ROBO2: variants seen among roughly 807,000 people sequenced by gnomAD.
ROBO2 encodes the protein roundabout guidance receptor 2, also known as roundabout homolog 2.
Under a neutral mutation model 160.8 loss-of-function variants are expected in ROBO2, and 53 were observed. That is an observed-to-expected ratio of 0.33 (90% CI 0.26 to 0.41). ROBO2 has a LOEUF of 0.41. Ranked by LOEUF, ROBO2 falls within the 10% of genes least tolerant of loss-of-function variation. The pLI is 1.00. For synonymous variants in ROBO2, 664 were observed against 611.7 expected, an observed-to-expected ratio of 1.09 and a Z score of -1.26; for missense variants, 1,577 against 1,722.4, an observed-to-expected ratio of 0.92 and a Z score of 1.49.
intron 2 of ROBO2, among the ~76,000 whole-genome samples, chr3:77,385,693 T>A (rs2074025951): frequency 6.6e-6 from 1 of 152,132 alleles, no homozygotes; most frequent in Admixed American, 6.5e-5. Flanking sequence ...TTGGGATGAA[T>A]TCCTCAAGTG....
intron 2 of ROBO2, among the ~76,000 whole-genome samples, chr3:76,044,983 G>A (rs1381355495): frequency 6.6e-6 from 1 of 152,002 alleles, no homozygotes; most frequent in Non-Finnish European, 1.5e-5. Context: ...CAAGTTGCAG[G>A]TGAAACGGAT....
At chr3:77,018,220 A>G (rs932443727) in intron 2 of ROBO2, among the ~76,000 whole-genome samples, 3 of 152,126 alleles carry the variant, frequency 2.0e-5, no homozygotes, top group Admixed American at 1.3e-4. Context: ...CTCCTGCCTC[A>G]GCCTCCCAAG....
intron 2 of ROBO2, among the ~76,000 whole-genome samples, chr3:76,130,042 TATC>T (rs1006226562): frequency 6.6e-6 from 1 of 152,104 alleles, no homozygotes; most frequent in Non-Finnish European, 1.5e-5. Flanking sequence ...GACAGTGAAT[TATC>T]ATCTTCACCC....
At chr3:75,996,166 CAG>C (rs1283231417) in intron 2 of ROBO2, among the ~76,000 whole-genome samples, 1 of 152,100 alleles carries the variant, frequency 6.6e-6, no homozygotes, top group Non-Finnish European at 1.5e-5. Flanking sequence ...TTGGAGAAGA[CAG>C]GGGCAGAATG....
chr3:76,353,048 A>G (rs1458681858), intron 2 of ROBO2, among the ~76,000 whole-genome samples: 11 of 152,024 alleles, frequency 7.2e-5, no homozygotes, highest in Admixed American at 7.2e-4. Context: ...CACCGTCAGC[A>G]TAGTGATGAT....
rs768865674 is a variant in ROBO2, at chr3:76,554,910, G to A, written c.110-543104G>A. The stretch of plus-strand genomic sequence containing the variant: ...ACTGAAAAAGGCATGTGTCTGGCAC[G>A]TTCCCAAGGCATGAGTATTTATGGC... On this transcript the variant is annotated intron_variant, in intron 2 of 26. Coordinates refer to the ROBO2 transcript ENST00000487694. 1.9e-4 allele frequency among the ~76,000 whole-genome samples: 29 copies of A among 151,918 alleles called. No individual in the cohort carries two copies. The South Asian group carries it at 2.1e-3, about 11-fold the overall frequency.
chr3:76,172,974 A>G (rs760210605), intron 2 of ROBO2, among the ~76,000 whole-genome samples: 25 of 152,080 alleles, frequency 1.6e-4, no homozygotes, highest in Non-Finnish European at 1.8e-4. Flanking sequence ...ACTGGACCTC[A>G]GTAAAAAAAG....
intron 2 of ROBO2, among the ~76,000 whole-genome samples, chr3:76,120,912 G>T (rs542957556): frequency 6.6e-6 from 1 of 151,980 alleles, no homozygotes; most frequent in African/African-American, 2.4e-5. Flanking sequence ...ACTTACTGTC[G>T]AATATTATGT....
intron 2 of ROBO2, among the ~76,000 whole-genome samples, chr3:76,529,850 G>A (rs959500865): frequency 1.3e-5 from 2 of 152,074 alleles, no homozygotes; most frequent in African/African-American, 4.8e-5. Context: ...TAGTACCATG[G>A]TGGTAAGATA....
intron 2 of ROBO2, among the ~76,000 whole-genome samples, chr3:77,445,798 T>G (rs1022415498): frequency 1.4e-5 from 2 of 144,884 alleles, no homozygotes; most frequent in African/African-American, 2.5e-5. Context: ...TTTTTTGTTT[T>G]TTTTTTTTTT....
intron 2 of ROBO2, among the ~76,000 whole-genome samples, chr3:76,364,239 T>C (rs541837177): frequency 2.8e-4 from 42 of 152,206 alleles, no homozygotes; most frequent in Non-Finnish European, 4.7e-4. Flanking sequence ...ACTCCAGGAA[T>C]ACCTTCCCTG....
intron 2 of ROBO2, among the ~76,000 whole-genome samples, chr3:77,349,328 G>A (rs1341479342): frequency 2.0e-5 from 3 of 152,104 alleles, no homozygotes; most frequent in African/African-American, 4.8e-5. Flanking sequence ...AAGTATCAAA[G>A]ATTAAACCAA....
At chr3:77,319,489 A>C (rs2064435244) in intron 2 of ROBO2, among the ~76,000 whole-genome samples, 1 of 152,184 alleles carries the variant, frequency 6.6e-6, no homozygotes, top group South Asian at 2.1e-4. Flanking sequence ...TGAATATCTA[A>C]GTAGTCTAGG....
intron 2 of ROBO2, among the ~76,000 whole-genome samples, chr3:76,988,358 G>A (rs537591913): frequency 2.0e-4 from 30 of 152,264 alleles, no homozygotes; most frequent in African/African-American, 7.2e-4. Flanking sequence ...GTAGTAAATT[G>A]AGAATTGAAC....
chr3:76,956,161 T>C (rs546432550), intron 2 of ROBO2, among the ~76,000 whole-genome samples: 26 of 152,336 alleles, frequency 1.7e-4, no homozygotes, highest in African/African-American at 5.8e-4. Flanking sequence ...CTCTGGATAT[T>C]AATACACTAC....
intron 2 of ROBO2, among the ~76,000 whole-genome samples, chr3:77,289,112 G>C (rs1374584777): frequency 2.6e-5 from 4 of 152,136 alleles, no homozygotes; most frequent in Non-Finnish European, 4.4e-5. Flanking sequence ...GGATTGTACA[G>C]TCTAGTGGGT....
intron 2 of ROBO2, among the ~76,000 whole-genome samples, chr3:77,367,270 A>G (rs1339995832): frequency 6.6e-6 from 1 of 152,160 alleles, no homozygotes; most frequent in Admixed American, 6.6e-5. Context: ...ATTATGATTA[A>G]GCAAAGTGAA....
intron 1 of ROBO2, among the ~76,000 whole-genome samples, chr3:77,080,578 A>G (rs1356541094): frequency 6.6e-6 from 1 of 152,158 alleles, no homozygotes; most frequent in African/African-American, 2.4e-5. Flanking sequence ...TCAATGCCAT[A>G]ATGTTAATTA....
intron 2 of ROBO2, among the ~76,000 whole-genome samples, chr3:76,171,705 A>G (rs1385206366): frequency 6.6e-6 from 1 of 152,010 alleles, no homozygotes; most frequent in Admixed American, 6.6e-5. Context: ...TTTTTTAGGT[A>G]GGAGAATCAG....
Sources: allele counts gnomAD v4.1 joint callset (sites outside exome capture counted in the v4.1 genomes callset), GRCh38; gene constraint gnomAD v4.1.1; transcripts MANE v1.5; gene names NCBI Gene and HGNC (gene_info 2026-07-23, HGNC 2026-07-21).